TIAM1: variants seen among roughly 807,000 people sequenced by gnomAD.
The protein encoded by TIAM1 is rho guanine nucleotide exchange factor TIAM1.
In TIAM1, 65 loss-of-function variants were observed where a neutral mutation model predicts 163.5. The ratio of observed to expected loss-of-function variants is 0.40; its 90% confidence interval spans 0.33 to 0.49. The LOEUF is 0.49. TIAM1 is among the 20% of genes least tolerant of loss of function. The pLI is 0.77. For missense variants in TIAM1, 1,789 were observed against 2,044.7 expected (o/e 0.87, Z 2.41); for synonymous variants, 833 against 810.1 (o/e 1.03, Z -0.48).
intron 4 of TIAM1, among the ~76,000 whole-genome samples, chr21:31,264,527 G>C (rs1397250399): frequency 1.3e-5 from 2 of 152,246 alleles, no homozygotes; most frequent in African/African-American, 4.8e-5. Flanking sequence ...AGAAATTAAG[G>C]CTACAAGAAT....
At chr21:31,501,647 G>A (rs1173686192) in intron 1 of TIAM1, among the ~76,000 whole-genome samples, 1 of 152,174 alleles carries the variant, frequency 6.6e-6, no homozygotes, top group East Asian at 1.9e-4. Context: ...CTGTTGCCCA[G>A]GCTGGAGTGC....
intron 2 of TIAM1, among the ~76,000 whole-genome samples, chr21:31,310,143 G>A (rs909330919): frequency 5.9e-5 from 9 of 152,222 alleles, no homozygotes; most frequent in Admixed American, 5.9e-4. Context: ...CTATGTGGGG[G>A]CCACACGCCT....
chr21:31,318,707 T>C (rs752734387), intron 2 of TIAM1, among the ~76,000 whole-genome samples: 3 of 152,178 alleles, frequency 2.0e-5, no homozygotes, highest in Non-Finnish European at 4.4e-5. Flanking sequence ...GGGGAAAAAA[T>C]GGAAAGAGTT....
intron 25 of TIAM1, 58 bp downstream of exon 25, chr21:31,130,155 A>AAG (rs1384996016): frequency 1.1e-5 from 16 of 1,478,572 alleles, no homozygotes; most frequent in Admixed American, 1.8e-5. Flanking sequence ...TCAAACAAAT[A>AAG]ATTCCTACAC....
chr21:31,155,640 G>C (rs1368884156), intron 16 of TIAM1, among the ~76,000 whole-genome samples: 1 of 152,142 alleles, frequency 6.6e-6, no homozygotes, highest in African/African-American at 2.4e-5. Flanking sequence ...GAGCAGCTGG[G>C]ACTACAGGCG....
intron 1 of TIAM1, among the ~76,000 whole-genome samples, chr21:31,517,357 AC>A (rs761796052): frequency 1.5e-3 from 229 of 152,230 alleles, no homozygotes; most frequent in Admixed American, 3.5e-3. Flanking sequence ...ACATGACGAA[AC>A]CCCGTCTCTG....
intron 1 of TIAM1, among the ~76,000 whole-genome samples, chr21:31,514,893 G>A (rs371854288): frequency 7.2e-5 from 11 of 152,196 alleles, no homozygotes; most frequent in South Asian, 2.1e-4. Context: ...TTGTTCCAGC[G>A]GAAAGCCGAT....
At chr21:31,315,471 C>G (rs555180959) in intron 2 of TIAM1, among the ~76,000 whole-genome samples, 2 of 151,112 alleles carry the variant, frequency 1.3e-5, no homozygotes, top group South Asian at 4.2e-4. Flanking sequence ...GCCAAGATCA[C>G]GCCACCGCAC....
intron 2 of TIAM1, among the ~76,000 whole-genome samples, chr21:31,453,702 A>G (rs56253900): frequency 0.54 from 79,943 of 146,738 alleles, 22,892 homozygotes; most frequent in South Asian, 0.75. Context: ...AAATAAATAA[A>G]TAAATAAATA....
At chr21:31,191,856 A>C (rs2085578212) in intron 13 of TIAM1, among the ~76,000 whole-genome samples, 1 of 152,174 alleles carries the variant, frequency 6.6e-6, no homozygotes, top group Non-Finnish European at 1.5e-5. Context: ...TCCCTGAATC[A>C]CTCAATCTTA....
At chr21:31,377,105 C>T (rs1441000993) in intron 2 of TIAM1, among the ~76,000 whole-genome samples, 1 of 143,498 alleles carries the variant, frequency 7.0e-6, no homozygotes, top group Non-Finnish European at 1.5e-5. Context: ...TCTTGAACTC[C>T]TGACCTCAAG....
At chr21:31,170,869 C>T (rs142384415) in intron 15 of TIAM1, among the ~76,000 whole-genome samples, 61 of 151,796 alleles carry the variant, frequency 4.0e-4, no homozygotes, top group African/African-American at 1.3e-3. Flanking sequence ...AACCCCATCT[C>T]TACTAAAAAT....
chr21:31,143,611 T>C (rs2082965705), intron 20 of TIAM1, among the ~76,000 whole-genome samples: 1 of 152,012 alleles, frequency 6.6e-6, no homozygotes, highest in Non-Finnish European at 1.5e-5. Flanking sequence ...AAGTTTAAAA[T>C]ATATAAACAT....
At chr21:31,452,974 A>C (rs1015792430) in intron 2 of TIAM1, 14 of 506,958 alleles carry the variant, frequency 2.8e-5, no homozygotes, top group Admixed American at 8.6e-5. Context: ...CTGAATGGGG[A>C]AAAGTTATGG....
chr21:31,263,026 T>C (rs2072563613), intron 4 of TIAM1, among the ~76,000 whole-genome samples: 1 of 152,160 alleles, frequency 6.6e-6, no homozygotes, highest in South Asian at 2.1e-4. Flanking sequence ...GTTTGGAACA[T>C]AGTGGGCTCT....
intron 2 of TIAM1, among the ~76,000 whole-genome samples, chr21:31,350,958 G>A (rs539357982): frequency 6.6e-6 from 1 of 152,298 alleles, no homozygotes; most frequent in East Asian, 1.9e-4. Flanking sequence ...ATTAAAATTA[G>A]GTGACTTGTA....
chr21:31,370,018 C>G (rs2076569706), intron 2 of TIAM1, among the ~76,000 whole-genome samples: 2 of 152,262 alleles, frequency 1.3e-5, no homozygotes, highest in South Asian at 4.2e-4. Context: ...AGAGAGACCC[C>G]TTTCCCTTCC....
At chr21:31,538,601 C>T (rs2048216749) in intron 1 of TIAM1, among the ~76,000 whole-genome samples, 1 of 152,170 alleles carries the variant, frequency 6.6e-6, no homozygotes, top group Non-Finnish European at 1.5e-5. Context: ...CCCAGAATTC[C>T]AAGGAAGAAC....
intron 6 of TIAM1, among the ~76,000 whole-genome samples, chr21:31,242,140 C>T (rs904218563): frequency 6.6e-6 from 1 of 152,058 alleles, no homozygotes; most frequent in Non-Finnish European, 1.5e-5. Flanking sequence ...ATTCAAAGAA[C>T]TAAAATAAAC....
Sources: allele counts gnomAD v4.1 joint callset (sites outside exome capture counted in the v4.1 genomes callset), GRCh38; gene constraint gnomAD v4.1.1; transcripts MANE v1.5; gene names NCBI Gene and HGNC (gene_info 2026-07-23, HGNC 2026-07-21).